Variants in FADS3 observed in about 807,000 individuals in gnomAD.
FADS3 encodes the protein fatty acid desaturase 3, also known as cytochrome b5-related protein.
Under a neutral mutation model 60.4 loss-of-function variants are expected in FADS3, and 30 were observed. The observed-to-expected ratio is 0.50, with a 90% CI of 0.37 to 0.67. The LOEUF (loss-of-function observed/expected upper bound fraction) is 0.67, where lower values mean the gene tolerates loss of function less well. Among genes scored for constraint, FADS3 ranks in the 30% least tolerant of loss-of-function variants. The pLI is 0.00. For missense variants in FADS3, 432 were observed against 598.3 expected (o/e 0.72, Z 2.90); for synonymous variants, 234 against 249.3 (o/e 0.94, Z 0.58).
chr11:61,876,948 C>A lies in FADS3; in HGVS notation c.901G>T (p.Ala301Ser), dbSNP rs763456693. 3 of 1,602,124 alleles carry A rather than the reference C, an allele frequency of 1.9e-6. No homozygotes were observed. The highest frequency in any genetic ancestry group is 1.7e-5 in the Admixed American group (1 of 58,132). Reference sequence around the variant, plus strand: ...AAGAAGAAGCGGGCATAGAAGCTGGCGGCCCAGAGCAAATCCTGCAGAGGA... The same window carrying A: ...AAGAAGAAGCGGGCATAGAAGCTGGAGGCCCAGAGCAAATCCTGCAGAGGA... ...CMQWADLLWA[A>S]SFYARFFLSY... is the part of the protein sequence containing the mutation. The change falls in exon 8 of 12, where the codon GCC (alanine) becomes TCC (serine). Residue 301 changes from alanine to serine, a missense_variant. This residue lies in a region of FADS3 where 38 missense variants were observed against 34.8 expected (regional missense o/e 1.09). Coordinates refer to ENST00000278829, the MANE Select transcript of FADS3 (RefSeq NM_021727.5). This position sits in a 1 kb window ranked among gnomAD's most constrained non-coding sequence, Gnocchi z 5.7.
At chr11:61,887,469 T>C (rs1278009686) in intron 1 of FADS3, among the ~76,000 whole-genome samples, 2 of 152,212 alleles carry the variant, frequency 1.3e-5, no homozygotes, top group Non-Finnish European at 2.9e-5. Flanking sequence ...TGCTGTGCTC[T>C]CTGGGGCTCC....
Position 61,878,156 on chromosome 11 carries a change from C to G in FADS3, c.807G>C (p.Leu269=), listed in dbSNP as rs768946836. 1 of 1,613,992 alleles carries G rather than the reference C, an allele frequency of 6.2e-7. No homozygotes were observed. Among genetic ancestry groups the G allele is most frequent in the Non-Finnish European group, 8.5e-7 (1 of 1,179,908 alleles). ...CCAGAAGGACAGATGGACACTCACTCAGGAAGAAGTACAGGTGCTGCTGGT... is the reference window on the plus strand; with the variant it reads ...CCAGAAGGACAGATGGACACTCACTGAGGAAGAAGTACAGGTGCTGCTGGT... The part of the protein sequence containing the change: ...PYNQQHLYFF[L]IGPPLLTLVN... Residue 269 remains leucine, a splice_region_variant and synonymous_variant, in exon 6 of 12, where the codon CTG becomes CTC. Transcript: ENST00000278829.
Position 61,877,939 on chromosome 11 carries a change from T to C in FADS3, c.808+216A>G. 1.6e-6 allele frequency: 1 copy of C among 606,958 alleles called. No individual in the cohort carries two copies. The allele number at this position is 606,958 out of a possible 1,614,324, so 37.6% of individuals were successfully genotyped here. On this transcript the variant is annotated intron_variant, in intron 6 of 11. Coordinates refer to ENST00000278829, the MANE Select transcript of FADS3 (RefSeq NM_021727.5). This position sits in a 1 kb window ranked among gnomAD's most constrained non-coding sequence, Gnocchi z 4.7. ...CTCCCAGCAGGGCTGTGATGGCCCG[T>C]GGCTGCAAGGTGTCCCAGGCACGGG...
Position 61,876,513 on chromosome 11 carries a change from G to GGT in FADS3, c.984-59_984-58insAC. 7.2e-7 allele frequency: 1 copy of GGT among 1,395,628 alleles called. No homozygotes were observed. Among genetic ancestry groups the GGT allele is most frequent in the Non-Finnish European group, 1.0e-6 (1 of 983,620 alleles). 86.5% of individuals were successfully genotyped at this position (1,395,628 alleles called of 1,614,324 possible). A position where few individuals can be genotyped will look rare whatever the true frequency, so the allele number is the denominator to read the frequency against. On this transcript the variant is annotated intron_variant, in intron 8 of 11. Coordinates refer to ENST00000278829, the MANE Select transcript of FADS3 (RefSeq NM_021727.5). The surrounding 1 kb of genome is among the most constrained non-coding windows in gnomAD (Gnocchi z 5.7). ...AGCTCACCACTTAGGCACCCTGAGT[G>GGT]GAGGCTGGAGAGCAGCTGTCCCCAA... is the stretch of plus-strand genomic sequence containing the variant.
At chr11:61,878,907 G>A (rs1938019293) in intron 3 of FADS3, 60 bp from the exon 4 acceptor site, 2 of 1,483,528 alleles carry the variant, frequency 1.3e-6, no homozygotes, top group African/African-American at 2.8e-5. Flanking sequence ...AGGGCCTGGG[G>A]CCCCAGTGAA....
At chr11:61,884,576 C>G (rs752631595) in intron 1 of FADS3, among the ~76,000 whole-genome samples, 7 of 152,178 alleles carry the variant, frequency 4.6e-5, no homozygotes, top group Non-Finnish European at 1.0e-4. Context: ...GCCGTGAGGC[C>G]AGTCACTATC....
intron 1 of FADS3, 26 bp from the exon 2 acceptor site, chr11:61,880,177 G>A (rs1256328508): frequency 6.3e-7 from 1 of 1,589,194 alleles, no homozygotes. Flanking sequence ...CAGTCAGGCG[G>A]ACAGACAGAC....
At chr11:61,883,407 CGTGATG>C (rs1938201939) in intron 1 of FADS3, among the ~76,000 whole-genome samples, 1 of 152,180 alleles carries the variant, frequency 6.6e-6, no homozygotes, top group Non-Finnish European at 1.5e-5. Context: ...GCTGAGCCAG[CGTGATG>C]GTGAGTCCCT....
In FADS3 at chr11:61,876,024, G is replaced by A. The variant is rs1362937116; in HGVS notation, c.1161-48C>T. 6.2e-7 allele frequency: 1 copy of A among 1,612,152 alleles called. No individual in the cohort carries two copies. The highest frequency in any genetic ancestry group is 8.5e-7 in the Non-Finnish European group (1 of 1,179,332). On this transcript the variant is annotated intron_variant, in intron 10 of 11. Transcript: ENST00000278829. This position sits in a 1 kb window ranked among gnomAD's most constrained non-coding sequence, Gnocchi z 5.7. ...GGCACCTGAAGTGGGAGATTCCAGA[G>A]AGAGGCCCCACCCACGGGTCCCCTC...
At position 61,891,524 on chromosome 11, in the gene FADS3, G is replaced by T; in HGVS notation, c.-143C>A. On this transcript the variant is annotated 5_prime_UTR_variant, in exon 1 of 12. Transcript: ENST00000278829. ...CCCTGCCGCCGCGGCCGCCGTACGA[G>T]CGAGCGTGCGCCTCCCGGCTCGCGG... 1 of 460,676 alleles carries T rather than the reference G, an allele frequency of 2.2e-6. No individual in the cohort carries two copies. Among genetic ancestry groups the T allele is most frequent in the Non-Finnish European group, 3.3e-6 (1 of 299,592 alleles). 28.5% of individuals were successfully genotyped at this position (460,676 alleles called of 1,614,324 possible). A position where few individuals can be genotyped will look rare whatever the true frequency, so the allele number is the denominator to read the frequency against.
rs1383085837 is a variant in FADS3 at position 61,877,648 on chromosome 11, C to CCAGAG, written c.809-66_809-62dup. The CCAGAG allele has an allele frequency of 3.4e-6, 5 of 1,486,892 alleles. No individual in the cohort carries two copies. In the African/African-American group the frequency reaches 5.5e-5, roughly 16 times the overall value. 92.1% of individuals were successfully genotyped at this position (1,486,892 alleles called of 1,614,324 possible). A position where few individuals can be genotyped will look rare whatever the true frequency, so the allele number is the denominator to read the frequency against. On this transcript the variant is annotated intron_variant, in intron 6 of 11. Coordinates refer to ENST00000278829, the MANE Select transcript of FADS3 (RefSeq NM_021727.5). The surrounding 1 kb of genome is among the most constrained non-coding windows in gnomAD (Gnocchi z 4.7). ...GCTGGGCTGCCAAGGTGAGTGGGCG[C>CCAGAG]CAGAGTGAGGGGCTCTGTTACTCCA... is the stretch of plus-strand genomic sequence containing the variant.
intron 1 of FADS3, chr11:61,890,454 A>G (rs174464): frequency 0.59 from 90,540 of 152,280 alleles, 30,060 homozygotes; most frequent in Non-Finnish European, 0.75. Flanking sequence ...AACCCCTATT[A>G]TGCAGGTGGG....
chr11:61,873,708 G>C lies in FADS3; in HGVS notation c.*106C>G, dbSNP rs1221844121. ...GACAACAGTACCAGGAGGGCAGGCA[G>C]GGCACCCCCAGGCTGGCCAGTGGAG... On this transcript the variant is annotated 3_prime_UTR_variant, in exon 12 of 12. Transcript: ENST00000278829. 8 of 786,210 alleles carry C rather than the reference G, an allele frequency of 1.0e-5. No individual in the cohort carries two copies. The Admixed American group carries it at 1.4e-4, about 14-fold the overall frequency. The allele number at this position is 786,210 out of a possible 1,614,324, so 48.7% of individuals were successfully genotyped here.
chr11:61,877,870 C>T lies in FADS3; in HGVS notation c.809-283G>A, dbSNP rs1346210271. 4 of 594,466 alleles carry T rather than the reference C, an allele frequency of 6.7e-6. No homozygotes were observed. Among genetic ancestry groups the T allele is most frequent in the Non-Finnish European group, 1.2e-5 (4 of 333,220 alleles). The allele number at this position is 594,466 out of a possible 1,614,324, so 36.8% of individuals were successfully genotyped here. On this transcript the variant is annotated intron_variant, in intron 6 of 11. Coordinates refer to ENST00000278829, the MANE Select transcript of FADS3 (RefSeq NM_021727.5). This position sits in a 1 kb window ranked among gnomAD's most constrained non-coding sequence, Gnocchi z 4.7. ...CCAAAGACTCTAGGGCTCCGGACCACTCTAGTGAGGGCAAGAAGAAATTCT... is the reference window on the plus strand; with the variant it reads ...CCAAAGACTCTAGGGCTCCGGACCATTCTAGTGAGGGCAAGAAGAAATTCT...
chr11:61,888,897 T>C (rs1476246120), intron 1 of FADS3, among the ~76,000 whole-genome samples: 1 of 152,126 alleles, frequency 6.6e-6, no homozygotes, highest in Non-Finnish European at 1.5e-5. Flanking sequence ...GAGAGATGTT[T>C]TTTGTTTGTT....
rs532500099 is a variant in FADS3, at chr11:61,877,689, C to A, written c.809-102G>T. On this transcript the variant is annotated intron_variant, in intron 6 of 11. Transcript: ENST00000278829. The surrounding 1 kb of genome is among the most constrained non-coding windows in gnomAD (Gnocchi z 4.7). ...TGTTACTCCAGGAATGCCCCTGGGA[C>A]GTTGGTGCTGGTCACATCCAGCTGA... 10 of 1,078,086 alleles carry A rather than the reference C, an allele frequency of 9.3e-6. No homozygotes were observed. Among genetic ancestry groups the A allele is most frequent in the South Asian group, 1.4e-5 (1 of 71,484 alleles). The allele number at this position is 1,078,086 out of a possible 1,614,324, so 66.8% of individuals were successfully genotyped here.
chr11:61,878,280 T>A, intron 5 of FADS3, 65 bp from the exon 6 acceptor site: 1 of 1,548,832 alleles, frequency 6.5e-7, no homozygotes, highest in Non-Finnish European at 8.9e-7. Flanking sequence ...CCGGGCAAGG[T>A]CACGGGGCTG....
chr11:61,887,730 A>G (rs1193123773), intron 1 of FADS3, among the ~76,000 whole-genome samples: 1 of 152,268 alleles, frequency 6.6e-6, no homozygotes, highest in Admixed American at 6.5e-5. Flanking sequence ...AGAACCATGC[A>G]TGACACAGAG....
chr11:61,880,215 CAG>C (rs1374227242), intron 1 of FADS3, 64 bp from the exon 2 acceptor site: 1 of 1,343,298 alleles, frequency 7.4e-7, no homozygotes, highest in African/African-American at 1.4e-5. Flanking sequence ...CGGCAACCAG[CAG>C]AGACAGGCGG....
Sources: gnomAD v4.1 joint callset for allele counts (sites outside exome capture counted in the v4.1 genomes callset) on GRCh38, gnomAD v4.1.1 for gene constraint, gnomAD v4.1.1 regional missense constraint, Gnocchi (gnomAD v3.1) non-coding constraint, MANE v1.5 for transcripts, NCBI Gene and HGNC (gene_info 2026-07-23, HGNC 2026-07-21) for gene names.